EMSY: variants seen among roughly 807,000 people sequenced by gnomAD.
EMSY encodes the protein BRCA2-interacting transcriptional repressor EMSY.
Under a neutral mutation model 134.6 loss-of-function variants are expected in EMSY, and 26 were observed. That is an observed-to-expected ratio of 0.19 (90% CI 0.14 to 0.27). EMSY has a LOEUF of 0.27. Among genes scored for constraint, EMSY ranks in the 10% least tolerant of loss-of-function variants. The probability of loss-of-function intolerance (pLI) is 1.00; values close to 1 mark genes in which losing one functional copy is unlikely to be tolerated. For synonymous variants in EMSY, 579 were observed against 577.8 expected (o/e 1.00, Z -0.03); for missense variants, 1,305 against 1,611.4 (o/e 0.81, Z 3.26).
At chr11:76,528,592 T>C in intron 14 of EMSY, 126 bp downstream of exon 15, 1 of 647,682 alleles carries the variant, frequency 1.5e-6, no homozygotes, top group Non-Finnish European at 2.5e-6. Context: ...TTCCTTTTTT[T>C]TTTTTTTTTT....
chr11:76,537,885 A>G, exon 16 of EMSY: 1 of 1,613,502 alleles, frequency 6.2e-7, no homozygotes, highest in Non-Finnish European at 8.5e-7. Flanking sequence ...GAAAAGAGAC[A>G]TTCTCCTGAG....
chr11:76,545,008 T>C, intron 19 of EMSY, 186 bp downstream of exon 20: 1 of 666,232 alleles, frequency 1.5e-6, no homozygotes, highest in Non-Finnish European at 2.5e-6. Context: ...CACGCATTAA[T>C]ATGTAGGAAG....
intron 17 of EMSY, among the ~76,000 whole-genome samples, chr11:76,540,941 G>A (rs1285238313): frequency 6.6e-6 from 1 of 152,176 alleles, no homozygotes; most frequent in African/African-American, 2.4e-5. Flanking sequence ...AGTTGAAGTT[G>A]AGGCCAAGTG....
At chr11:76,542,232 G>T (rs1156330522) in exon 18 of EMSY, 3 of 1,614,142 alleles carry the variant, frequency 1.9e-6, no homozygotes, top group Non-Finnish European at 2.5e-6. Flanking sequence ...ATCGCTCCCA[G>T]CCCCAACAGC....
intron 20 of EMSY, among the ~76,000 whole-genome samples, chr11:76,547,371 T>C (rs1472401104): frequency 6.6e-6 from 1 of 152,216 alleles, no homozygotes; most frequent in East Asian, 1.9e-4. Context: ...CATTGAATTA[T>C]TAAAATAATT....
At chr11:76,474,775 A>AT (rs1948712444) in intron 8 of EMSY, among the ~76,000 whole-genome samples, 1 of 152,110 alleles carries the variant, frequency 6.6e-6, no homozygotes, top group South Asian at 2.1e-4. Flanking sequence ...AGAAATATAT[A>AT]TTTTTTGAGA....
At chr11:76,456,002 G>A (rs1947858632) in intron 4 of EMSY, among the ~76,000 whole-genome samples, 1 of 152,076 alleles carries the variant, frequency 6.6e-6, no homozygotes, top group Admixed American at 6.6e-5. Context: ...AAGGATATGT[G>A]GGCCAAGGTA....
chr11:76,539,202 G>T (rs562185832), intron 16 of EMSY, among the ~76,000 whole-genome samples: 391 of 152,250 alleles, frequency 2.6e-3, no homozygotes, highest in African/African-American at 9.1e-3. Flanking sequence ...AAATAGTTCA[G>T]AGAGCAGTAA....
intron 4 of EMSY, 107 bp from the exon 5 acceptor site, chr11:76,454,642 A>G: frequency 3.1e-6 from 2 of 641,104 alleles, no homozygotes; most frequent in South Asian, 2.3e-5. Flanking sequence ...GTATTGTAGA[A>G]GCATTGGAAA....
chr11:76,518,050 C>T (rs1251370384), intron 11 of EMSY, among the ~76,000 whole-genome samples: 2 of 151,830 alleles, frequency 1.3e-5, no homozygotes, highest in African/African-American at 4.8e-5. Flanking sequence ...CTTTCATTGC[C>T]TATTTATAGT....
intron 2 of EMSY, among the ~76,000 whole-genome samples, chr11:76,447,628 T>A (rs1590757506): frequency 6.6e-6 from 1 of 152,244 alleles, no homozygotes; most frequent in African/African-American, 2.4e-5. Flanking sequence ...TCAACCAGCA[T>A]TGAGGGAAAG....
intron 7 of EMSY, among the ~76,000 whole-genome samples, chr11:76,468,999 T>G (rs1948468643): frequency 6.6e-6 from 1 of 152,194 alleles, no homozygotes; most frequent in East Asian, 1.9e-4. Context: ...AAAGTACAAG[T>G]AGGTTTCCTC....
intron 14 of EMSY, among the ~76,000 whole-genome samples, chr11:76,532,854 T>C (rs886883424): frequency 1.3e-5 from 2 of 152,186 alleles, no homozygotes; most frequent in Admixed American, 6.5e-5. Context: ...ATGATCTCAG[T>C]ACGTCAAGGT....
chr11:76,508,596 G>A (rs531042387), intron 9 of EMSY, among the ~76,000 whole-genome samples: 5 of 152,306 alleles, frequency 3.3e-5, no homozygotes, highest in African/African-American at 9.6e-5. Context: ...TTTGAAGCCA[G>A]GCATTGACTT....
chr11:76,519,852 A>G (rs1415110872), intron 11 of EMSY, among the ~76,000 whole-genome samples: 1 of 152,198 alleles, frequency 6.6e-6, no homozygotes, highest in Non-Finnish European at 1.5e-5. Flanking sequence ...TGCACCCATT[A>G]TATCTCGATT....
chr11:76,537,717 C>T, intron 15 of EMSY, 78 bp from the exon 17 acceptor site: 1 of 1,323,826 alleles, frequency 7.6e-7, no homozygotes, highest in Non-Finnish European at 1.0e-6. Flanking sequence ...AGGTCTGGTT[C>T]ATTATTCCTG....
chr11:76,470,965 G>T (rs1948546600), intron 7 of EMSY, among the ~76,000 whole-genome samples: 1 of 151,952 alleles, frequency 6.6e-6, no homozygotes, highest in Admixed American at 6.6e-5. Flanking sequence ...AGTTATACTG[G>T]CAAAACCTTG....
chr11:76,550,359 A>C, exon 21 of EMSY: 1 of 326,990 alleles, frequency 3.1e-6, no homozygotes, highest in Non-Finnish European at 5.3e-6. Context: ...AAAATGAAAA[A>C]GAAAAAAAAA....
chr11:76,478,710 T>C (rs1948861153), intron 8 of EMSY, among the ~76,000 whole-genome samples: 1 of 152,020 alleles, frequency 6.6e-6, no homozygotes, highest in South Asian at 2.1e-4. Context: ...TTTCTTCATA[T>C]ATCGTTGCTT....
Sources: gnomAD v4.1 joint callset for allele counts (sites outside exome capture counted in the v4.1 genomes callset) on GRCh38, gnomAD v4.1.1 for gene constraint, MANE v1.5 for transcripts, NCBI Gene and HGNC (gene_info 2026-07-23, HGNC 2026-07-21) for gene names.